L3MBTL3: variants seen among roughly 807,000 people sequenced by gnomAD.
The protein encoded by L3MBTL3 is lethal(3)malignant brain tumor-like protein 3.
In L3MBTL3, 27 loss-of-function variants were observed where a neutral mutation model predicts 102.3. That is an observed-to-expected ratio of 0.26 (90% CI 0.19 to 0.36). The LOEUF (loss-of-function observed/expected upper bound fraction) is 0.36. Among genes scored for constraint, L3MBTL3 ranks in the 10% least tolerant of loss-of-function variants. L3MBTL3 has a pLI of 1.00. For missense variants in L3MBTL3, 798 were observed against 955.3 expected (o/e 0.84, Z 2.17); for synonymous variants, 340 against 320.9 (o/e 1.06, Z -0.64).
At chr6:130,108,905 T>C (rs150378050) in intron 19 of L3MBTL3, among the ~76,000 whole-genome samples, 28 of 152,066 alleles carry the variant, frequency 1.8e-4, no homozygotes, top group South Asian at 4.1e-4. Flanking sequence ...CCCTCCCTGT[T>C]TCCGTGTGTT....
chr6:130,042,256 G>A (rs1390069424), intron 2 of L3MBTL3, among the ~76,000 whole-genome samples: 1 of 152,066 alleles, frequency 6.6e-6, no homozygotes, highest in African/African-American at 2.4e-5. Context: ...TTTTGAGACT[G>A]TTTTCCTATT....
intron 2 of L3MBTL3, among the ~76,000 whole-genome samples, chr6:130,038,551 G>A (rs1780207184): frequency 6.6e-6 from 1 of 151,886 alleles, no homozygotes; most frequent in South Asian, 2.1e-4. Context: ...GTACCTGTTG[G>A]CCATTTGTAT....
chr6:130,082,814 T>C (rs930130117), intron 14 of L3MBTL3, among the ~76,000 whole-genome samples: 7 of 152,238 alleles, frequency 4.6e-5, no homozygotes. Flanking sequence ...TGCAAAAATG[T>C]ATATGTCTAT....
Position 130,057,450 on chromosome 6 carries a change from C to T in L3MBTL3, c.712C>T (p.Leu238=). ...GAAAGCGTGGTGCTGGGCATCCTAC[C>T]TGGAAGAGGAGAAAGCGGTGGCAGT... The part of the protein sequence containing the change: ...GKKAWCWASY[L]EEEKAVAVPA... Residue 238 remains leucine (L), a synonymous_variant, in exon 9 of 23, where the codon CTG becomes TTG. Coordinates refer to ENST00000361794, the MANE Select transcript of L3MBTL3 (RefSeq NM_032438.4). 6.2e-7 allele frequency: 1 copy of T among 1,611,352 alleles called. No individual in the cohort carries two copies. The highest frequency in any genetic ancestry group is 8.5e-7 in the Non-Finnish European group (1 of 1,179,312).
intron 2 of L3MBTL3, among the ~76,000 whole-genome samples, chr6:130,037,476 CAT>C (rs1023037373): frequency 3.3e-5 from 5 of 151,302 alleles, no homozygotes; most frequent in African/African-American, 1.2e-4. Context: ...CAGTCGATAT[CAT>C]TGCTGGTTGT....
intron 19 of L3MBTL3, among the ~76,000 whole-genome samples, chr6:130,105,117 C>T (rs1784909676): frequency 6.6e-6 from 1 of 152,162 alleles, no homozygotes; most frequent in Non-Finnish European, 1.5e-5. Flanking sequence ...ACTGATACAT[C>T]TTTAAGCAAG....
In L3MBTL3 at chr6:130,085,197, C is replaced by T. The variant is rs535568017; in HGVS notation, c.1408-943C>T. On this transcript the variant is annotated intron_variant, in intron 15 of 22. Coordinates refer to ENST00000361794, the MANE Select transcript of L3MBTL3 (RefSeq NM_032438.4). ...AAGCTCAGAAAATTAACTAATTTGCCTAACATTATGCCAAACAATCACCTT... is the reference window on the plus strand; with the variant it reads ...AAGCTCAGAAAATTAACTAATTTGCTTAACATTATGCCAAACAATCACCTT... 5.9e-5 allele frequency among the ~76,000 whole-genome samples: 9 copies of T among 152,226 alleles called. No individual in the cohort carries two copies. The South Asian group carries it at 1.9e-3, about 32-fold the overall frequency.
In L3MBTL3 at chr6:130,055,206, G is replaced by T. The variant is rs202081986; in HGVS notation, c.618G>T (p.Ser206=). The T allele has an allele frequency of 2.5e-6, 4 of 1,613,574 alleles. No homozygotes were observed. Among genetic ancestry groups the T allele is most frequent in the Non-Finnish European group, 2.5e-6 (3 of 1,179,740 alleles). ...NKQDVRILRG[S]QRARRKRRGD... is the part of the protein sequence containing the mutation. Reference sequence around the variant, plus strand: ...AAGATGTAAGAATCCTGAGGGGTTCGCAGAGAGCACGGAGGAAAAGACGAG... The same window carrying T: ...AAGATGTAAGAATCCTGAGGGGTTCTCAGAGAGCACGGAGGAAAAGACGAG... The change falls in exon 8 of 23, where the codon TCG becomes TCT. Residue 206 remains serine, a synonymous_variant. Coordinates refer to ENST00000361794, the MANE Select transcript of L3MBTL3 (RefSeq NM_032438.4).
At position 130,049,950 on chromosome 6, in the gene L3MBTL3, G is replaced by GT. The variant is rs1157899182; in HGVS notation, c.289+121dup. On this transcript the variant is annotated intron_variant, in intron 5 of 22. Transcript: ENST00000361794. ...AGTTGACAATAGCACCATCCACCCA[G>GT]TGGACAAGCAAGAAACACAGGAGTC... 5.0e-5 allele frequency: 63 copies of GT among 1,262,040 alleles called. No individual in the cohort carries two copies. In the Admixed American group the frequency reaches 1.9e-3, roughly 37 times the overall value. 78.2% of individuals were successfully genotyped at this position (1,262,040 alleles called of 1,614,324 possible).
intron 15 of L3MBTL3, among the ~76,000 whole-genome samples, chr6:130,084,612 T>A (rs1783562067): frequency 6.6e-6 from 1 of 152,164 alleles, no homozygotes; most frequent in South Asian, 2.1e-4. Flanking sequence ...TATGCCATAT[T>A]TGTGAATTTT....
At chr6:130,092,948 C>T (rs940602397) in intron 17 of L3MBTL3, 89 bp downstream of exon 17, 1 of 747,466 alleles carries the variant, frequency 1.3e-6, no homozygotes, top group African/African-American at 1.7e-5. Context: ...TTTTTCTCCT[C>T]CTCTCTCTAC....
At chr6:130,060,188 G>T in intron 10 of L3MBTL3, 48 bp downstream of exon 10, 2 of 1,199,242 alleles carry the variant, frequency 1.7e-6, no homozygotes, top group South Asian at 1.5e-5. Context: ...GGTGATTATG[G>T]GGATTTAAAA....
intron 18 of L3MBTL3, among the ~76,000 whole-genome samples, chr6:130,094,678 G>A (rs1784256478): frequency 6.6e-6 from 1 of 151,966 alleles, no homozygotes; most frequent in Non-Finnish European, 1.5e-5. Flanking sequence ...TGAGAAGAGG[G>A]GAGACTCCGT....
chr6:130,113,596 G>A (rs1785480735), intron 19 of L3MBTL3, among the ~76,000 whole-genome samples: 1 of 152,190 alleles, frequency 6.6e-6, no homozygotes, highest in Non-Finnish European at 1.5e-5. Context: ...TACCTTGCAA[G>A]GCAAATGCCC....
At chr6:130,131,998 T>C (rs932788772) in intron 20 of L3MBTL3, among the ~76,000 whole-genome samples, 4 of 152,226 alleles carry the variant, frequency 2.6e-5, no homozygotes, top group African/African-American at 9.6e-5. Flanking sequence ...AGCCTCATTT[T>C]ACCCAGCTCC....
chr6:130,040,925 A>C (rs923242846), intron 2 of L3MBTL3, among the ~76,000 whole-genome samples: 1 of 152,160 alleles, frequency 6.6e-6, no homozygotes, highest in Non-Finnish European at 1.5e-5. Context: ...TTTACTGTGC[A>C]TGCATGGTGG....
chr6:130,092,671 T>A, intron 16 of L3MBTL3, 74 bp from the exon 17 acceptor site: 1 of 833,742 alleles, frequency 1.2e-6, no homozygotes, highest in East Asian at 2.5e-5. Flanking sequence ...AAAATGGTTA[T>A]GCTGTGGGCA....
At chr6:130,079,732 G>A (rs990519612) in intron 14 of L3MBTL3, among the ~76,000 whole-genome samples, 8 of 152,266 alleles carry the variant, frequency 5.3e-5, no homozygotes, top group Non-Finnish European at 1.0e-4. Context: ...TATTGGAACA[G>A]CTGGTTTCAT....
At chr6:130,048,941 A>AACACACACACACAC (rs6149808) in intron 3 of L3MBTL3, among the ~76,000 whole-genome samples, 1,112 of 78,508 alleles carry the variant, frequency 0.014, 22 homozygotes, top group East Asian at 0.027. Flanking sequence ...TCTTAGTTAA[A>AACACACACACACAC]ACACACACAC....
Sources: gnomAD v4.1 joint callset for allele counts (sites outside exome capture counted in the v4.1 genomes callset) on GRCh38, gnomAD v4.1.1 for gene constraint, MANE v1.5 for transcripts, NCBI Gene and HGNC (gene_info 2026-07-23, HGNC 2026-07-21) for gene names.